Variants in PSME4 observed in about 807,000 individuals in gnomAD.
PSME4 encodes the protein proteasome activator complex subunit 4.
In PSME4, 89 loss-of-function variants were observed where a neutral mutation model predicts 253.9. That is an observed-to-expected ratio of 0.35 (90% CI 0.30 to 0.42). The LOEUF (loss-of-function observed/expected upper bound fraction) is 0.42. Among genes scored for constraint, PSME4 ranks in the 10% least tolerant of loss-of-function variants. PSME4 has a pLI of 1.00. For synonymous variants in PSME4, 851 were observed against 759.2 expected (o/e 1.12, Z -1.99); for missense variants, 2,014 against 2,195.2 (o/e 0.92, Z 1.65).
rs1440941273 is a variant in PSME4, at chr2:53,890,091, T to C, written c.4296+13A>G. On this transcript the variant is annotated intron_variant, in intron 37 of 46. Transcript: ENST00000404125. Reference sequence around the variant, plus strand: ...TAGATCAGTTAGACAAAGAAAGATGTAGGGTAACTTACACAGGATGTTGCT... The same window carrying C: ...TAGATCAGTTAGACAAAGAAAGATGCAGGGTAACTTACACAGGATGTTGCT... 6 of 1,578,100 alleles carry C rather than the reference T, an allele frequency of 3.8e-6. No homozygotes were observed. In the East Asian group the frequency reaches 9.0e-5, roughly 24 times the overall value.
intron 1 of PSME4, among the ~76,000 whole-genome samples, chr2:53,960,843 C>G (rs988953304): frequency 6.6e-6 from 1 of 152,214 alleles, no homozygotes; most frequent in South Asian, 2.1e-4. Flanking sequence ...CGCGGTGGCT[C>G]ATACCTGTAA....
chr2:53,904,443 A>G (rs577217470), intron 26 of PSME4, among the ~76,000 whole-genome samples: 14 of 152,350 alleles, frequency 9.2e-5, no homozygotes, highest in Admixed American at 2.6e-4. Flanking sequence ...TAACATAGCT[A>G]AAAGTAATCA....
chr2:53,946,862 C>A (rs1485594036), intron 3 of PSME4, among the ~76,000 whole-genome samples: 1 of 151,730 alleles, frequency 6.6e-6, no homozygotes, highest in African/African-American at 2.4e-5. Flanking sequence ...TGTGGTGATG[C>A]AAGATCTTGC....
chr2:53,881,192 T>C lies in PSME4; in HGVS notation c.4815+4498A>G, dbSNP rs563949121. Among the ~76,000 whole-genome samples, 8 of 152,332 alleles carry C rather than the reference T, an allele frequency of 5.3e-5. No homozygotes were observed. The East Asian group carries it at 1.3e-3, about 26-fold the overall frequency. ...TTAGCAAAGGAATCACCTTATAAGA[T>C]ATTTTTCTCCTGATTATTGAAAAAA... On this transcript the variant is annotated intron_variant, in intron 41 of 46. Coordinates refer to ENST00000404125, the MANE Select transcript of PSME4 (RefSeq NM_014614.3).
chr2:53,939,286 C>T (rs1669270123), intron 4 of PSME4, among the ~76,000 whole-genome samples: 1 of 152,046 alleles, frequency 6.6e-6, no homozygotes, highest in African/African-American at 2.4e-5. Flanking sequence ...TCACTGATTC[C>T]ATATCATCTA....
chr2:53,923,158 C>A lies in PSME4; in HGVS notation c.1909-40G>T. On this transcript the variant is annotated intron_variant, in intron 15 of 46. Coordinates refer to ENST00000404125, the MANE Select transcript of PSME4 (RefSeq NM_014614.3). Reference sequence around the variant, plus strand: ...GTATAAGTAAGGCTTTTTTGAAAGGCAAATATATACAAGATTATATTTTCA... The same window carrying A: ...GTATAAGTAAGGCTTTTTTGAAAGGAAAATATATACAAGATTATATTTTCA... 3 of 1,531,452 alleles carry A rather than the reference C, an allele frequency of 2.0e-6. No homozygotes were observed. The South Asian group carries it at 3.6e-5, about 18-fold the overall frequency. The allele number at this position is 1,531,452 out of a possible 1,614,324, so 94.9% of individuals were successfully genotyped here.
intron 26 of PSME4, among the ~76,000 whole-genome samples, chr2:53,905,521 C>T (rs1034554073): frequency 2.0e-5 from 3 of 152,050 alleles, no homozygotes; most frequent in African/African-American, 7.2e-5. Context: ...GGCAATACAA[C>T]GAGACCTTAT....
chr2:53,965,185 G>A (rs1363052624), intron 1 of PSME4, among the ~76,000 whole-genome samples: 2 of 151,386 alleles, frequency 1.3e-5, no homozygotes, highest in South Asian at 2.1e-4. Context: ...TCCTTTTCCC[G>A]CCCTTTCCTC....
At chr2:53,942,213 G>A (rs1046567702) in intron 3 of PSME4, 23 of 152,430 alleles carry the variant, frequency 1.5e-4, no homozygotes, top group African/African-American at 5.6e-4. Context: ...CAAGATGAAG[G>A]GAACAATGTT....
chr2:53,911,046 T>C (rs1667808049), intron 20 of PSME4, among the ~76,000 whole-genome samples: 1 of 152,212 alleles, frequency 6.6e-6, no homozygotes, highest in African/African-American at 2.4e-5. Flanking sequence ...CATCCCCAGC[T>C]ATATTGTATA....
At chr2:53,892,189 A>C (rs1228116061) in intron 36 of PSME4, among the ~76,000 whole-genome samples, 4 of 152,208 alleles carry the variant, frequency 2.6e-5, no homozygotes, top group African/African-American at 9.6e-5. Flanking sequence ...AAAGGTGACC[A>C]AAAAACCCTA....
chr2:53,969,279 C>T (rs962930942), intron 1 of PSME4, among the ~76,000 whole-genome samples: 1 of 152,316 alleles, frequency 6.6e-6, no homozygotes, highest in Non-Finnish European at 1.5e-5. Context: ...TTAACCTTGA[C>T]ATTTTATGAT....
chr2:53,929,403 C>T (rs890878999), intron 10 of PSME4, among the ~76,000 whole-genome samples: 3 of 152,076 alleles, frequency 2.0e-5, no homozygotes, highest in African/African-American at 7.2e-5. Flanking sequence ...GGTAAACCTC[C>T]TGCCTTGGCT....
rs530766739 is a variant in PSME4 at position 53,922,486 on chromosome 2, T to C, written c.2046+31A>G. On this transcript the variant is annotated intron_variant, in intron 17 of 46. Transcript: ENST00000404125. ...TAAAAGCAAGTCAGTGTTTTCACAG[T>C]CATGTTTCTTATTCCAAAGATTTAC... is the stretch of plus-strand genomic sequence containing the variant. The C allele has an allele frequency of 2.8e-4, 456 of 1,602,696 alleles. 5 individuals carry two copies. The South Asian group carries it at 4.8e-3, about 17-fold the overall frequency.
chr2:53,868,097 T>C lies in PSME4; in HGVS notation c.5264-1217A>G, dbSNP rs1241006622. ...AAAAGAGAATTTGGACTGGTCAAAA[T>C]TGTGAACAATATCATTTGGTGTAAC... On this transcript the variant is annotated intron_variant, in intron 44 of 46. Coordinates refer to ENST00000404125, the MANE Select transcript of PSME4 (RefSeq NM_014614.3). 4.6e-5 allele frequency among the ~76,000 whole-genome samples: 7 copies of C among 152,058 alleles called. No individual in the cohort carries two copies. In the East Asian group the frequency reaches 1.3e-3, roughly 29 times the overall value.
chr2:53,948,933 T>G (rs1669847236), intron 2 of PSME4, among the ~76,000 whole-genome samples: 1 of 152,202 alleles, frequency 6.6e-6, no homozygotes, highest in African/African-American at 2.4e-5. Flanking sequence ...CAATGGGTGC[T>G]AGAGAAGAGA....
chr2:53,916,136 A>G (rs1253132119), intron 20 of PSME4, among the ~76,000 whole-genome samples: 1 of 151,134 alleles, frequency 6.6e-6, no homozygotes, highest in African/African-American at 2.4e-5. Context: ...AATCCCAGCT[A>G]CTCAGGAGGC....
At chr2:53,890,066 T>C (rs753774664) in intron 37 of PSME4, 38 bp downstream of exon 37, 18 of 1,433,458 alleles carry the variant, frequency 1.3e-5, no homozygotes, top group African/African-American at 9.8e-5. Context: ...ACAGTTTGAA[T>C]AGATCAGTTA....
intron 20 of PSME4, among the ~76,000 whole-genome samples, chr2:53,910,555 T>C (rs1046506646): frequency 6.6e-6 from 1 of 152,184 alleles, no homozygotes; most frequent in African/African-American, 2.4e-5. Flanking sequence ...ACATCTCTCC[T>C]AATGTGCAGT....
Sources: allele counts gnomAD v4.1 joint callset (sites outside exome capture counted in the v4.1 genomes callset), GRCh38; gene constraint gnomAD v4.1.1; transcripts MANE v1.5; gene names NCBI Gene and HGNC (gene_info 2026-07-23, HGNC 2026-07-21).